The following RELN variants were observed in gnomAD, a reference collection of about 807,000 sequenced individuals.
RELN encodes the protein reelin.
A neutral mutation model predicts 427.6 loss-of-function variants in RELN; 108 were observed. The ratio of observed to expected loss-of-function variants is 0.25; its 90% CI spans 0.22 to 0.30. RELN has a LOEUF of 0.30. RELN is among the 10% of genes least tolerant of loss of function. RELN has a pLI of 1.00. For missense variants in RELN, 3,715 were observed against 4,302.8 expected (o/e 0.86, Z 3.82); for synonymous variants, 1,524 against 1,513.4 (o/e 1.01, Z -0.16).
chr7:103,489,869 T>C lies in RELN; in HGVS notation c.9636A>G (p.Gly3212=). The change falls in exon 60 of 65, where the codon GGA becomes GGG. Residue 3212 remains glycine (G), a synonymous_variant. Coordinates refer to ENST00000428762, the MANE Select transcript of RELN (RefSeq NM_005045.4). Reference sequence around the variant, plus strand: ...CCCAGCTTTGCTTCTCAGTTTCTTCTCCCTTCTGGATCCAGCGGAACTGTG... The same window carrying C: ...CCCAGCTTTGCTTCTCAGTTTCTTCCCCCTTCTGGATCCAGCGGAACTGTG... The part of the protein sequence containing the change: ...SATQFRWIQK[G]EETEKQSWAI... 1 of 1,614,094 alleles carries C rather than the reference T, an allele frequency of 6.2e-7. No individual in the cohort carries two copies. The highest frequency in any genetic ancestry group is 8.5e-7 in the Non-Finnish European group (1 of 1,179,996).
At chr7:103,731,943 T>C (rs1156651236) in intron 6 of RELN, among the ~76,000 whole-genome samples, 4 of 152,260 alleles carry the variant, frequency 2.6e-5, no homozygotes, top group Admixed American at 1.3e-4. Context: ...AATACTGTCT[T>C]CAAATTATGG....
At chr7:103,920,680 T>C (rs1167070255) in intron 1 of RELN, among the ~76,000 whole-genome samples, 1 of 150,966 alleles carries the variant, frequency 6.6e-6, no homozygotes, top group East Asian at 2.0e-4. Context: ...TTCAAGTCAT[T>C]CTCGTGCCTC....
intron 3 of RELN, among the ~76,000 whole-genome samples, chr7:103,794,395 T>G (rs1279811890): frequency 1.3e-5 from 2 of 152,206 alleles, no homozygotes; most frequent in African/African-American, 4.8e-5. Flanking sequence ...ATCAGCAAGC[T>G]GTTTTATTCC....
chr7:103,590,810 T>C (rs1196860570), intron 27 of RELN, among the ~76,000 whole-genome samples: 2 of 152,208 alleles, frequency 1.3e-5, no homozygotes, highest in African/African-American at 4.8e-5. Context: ...CTATTTTCTC[T>C]TCTGATCTTT....
rs570819735 is a variant in RELN, at chr7:103,536,291, A to G, written c.7181-807T>C. On this transcript the variant is annotated intron_variant, in intron 45 of 64. Transcript: ENST00000428762. ...TATTTCTTTCCTTTTCTTCTTCTGG[A>G]ACATTCAACCCATACCCCCTGTCTT... 3.9e-4 allele frequency among the ~76,000 whole-genome samples: 60 copies of G among 152,278 alleles called. 1 individual carries two copies. The South Asian group carries it at 0.012, about 31-fold the overall frequency.
intron 3 of RELN, among the ~76,000 whole-genome samples, chr7:103,786,375 C>T (rs188495478): frequency 3.3e-5 from 5 of 151,586 alleles, no homozygotes; most frequent in Admixed American, 6.6e-5. Context: ...TAAATAGTTG[C>T]CATGTCATTA....
At chr7:103,807,366 C>T (rs1792624790) in intron 3 of RELN, among the ~76,000 whole-genome samples, 1 of 152,136 alleles carries the variant, frequency 6.6e-6, no homozygotes, top group Non-Finnish European at 1.5e-5. Flanking sequence ...AAATTAGTGG[C>T]ACTGGATACT....
chr7:103,784,981 A>T (rs1337540599), intron 3 of RELN, among the ~76,000 whole-genome samples: 2 of 152,180 alleles, frequency 1.3e-5, no homozygotes, highest in African/African-American at 4.8e-5. Context: ...ACTGCATAAG[A>T]AACACTATGA....
At chr7:103,930,065 G>T (rs150121674) in intron 1 of RELN, among the ~76,000 whole-genome samples, 70 of 152,298 alleles carry the variant, frequency 4.6e-4, no homozygotes, top group African/African-American at 1.6e-3. Context: ...GCTTGGTAGG[G>T]TTGCCATAAC....
In RELN at chr7:103,569,331, C is replaced by T. The variant is rs1830829687; in HGVS notation, c.4589-2572G>A. On this transcript the variant is annotated intron_variant, in intron 31 of 64. Transcript: ENST00000428762. The surrounding 1 kb of genome is among the most constrained non-coding windows in gnomAD (Gnocchi z 4.0). ...CTGGCTAAGTCTTCCAGTGACTGCA[C>T]CCCTCCTGGCTTTTGTCCTGACTGC... Among the ~76,000 whole-genome samples the T allele has an allele frequency of 1.3e-5, 2 of 152,160 alleles. No homozygotes were observed. The highest frequency in any genetic ancestry group is 4.8e-5 in the African/African-American group (2 of 41,440).
intron 4 of RELN, among the ~76,000 whole-genome samples, chr7:103,770,440 C>T (rs1027924423): frequency 4.6e-5 from 7 of 152,106 alleles, no homozygotes; most frequent in African/African-American, 1.7e-4. Flanking sequence ...TGAGATGCCC[C>T]ATGGTTCCCC....
At chr7:103,777,159 T>A (rs1791764859) in intron 3 of RELN, among the ~76,000 whole-genome samples, 1 of 152,154 alleles carries the variant, frequency 6.6e-6, no homozygotes, top group South Asian at 2.1e-4. Context: ...TGAAGGAGAT[T>A]CACTATTTGA....
chr7:103,983,205 C>G (rs1398531053), intron 1 of RELN, among the ~76,000 whole-genome samples: 1 of 152,196 alleles, frequency 6.6e-6, no homozygotes, highest in Non-Finnish European at 1.5e-5. Flanking sequence ...CTGCCACACA[C>G]ACATCCTCAA....
intron 2 of RELN, among the ~76,000 whole-genome samples, chr7:103,850,540 G>A (rs764277981): frequency 3.9e-5 from 6 of 152,112 alleles, no homozygotes; most frequent in Non-Finnish European, 8.8e-5. Flanking sequence ...AACTCCACAG[G>A]GAGAAGGAAT....
At chr7:103,700,728 T>C (rs1462736265) in intron 9 of RELN, among the ~76,000 whole-genome samples, 182 bp downstream of exon 9, 1 of 152,164 alleles carries the variant, frequency 6.6e-6, no homozygotes, top group African/African-American at 2.4e-5. Flanking sequence ...AAAATGACAC[T>C]TTTAATAATA....
chr7:103,636,427 G>A lies in RELN; in HGVS notation c.2111C>T (p.Ser704Phe), dbSNP rs1445103005. Residue 704 changes from serine to phenylalanine, a missense_variant, in exon 18 of 65, where the codon TCC (serine) becomes TTC (phenylalanine). By Grantham distance (155) the Ser-to-Phe change is radical. Coordinates refer to ENST00000428762, the MANE Select transcript of RELN (RefSeq NM_005045.4). ...AGAAATAAACATTGGGAATGTCTGGGATGCCATCTCACAAGCTGGGCCAGA... is the reference window on the plus strand; with the variant it reads ...AGAAATAAACATTGGGAATGTCTGGAATGCCATCTCACAAGCTGGGCCAGA... ...GFSGPACEMA[S>F]QTFPMFISES... 2 of 1,613,910 alleles carry A rather than the reference G, an allele frequency of 1.2e-6. No individual in the cohort carries two copies. Among genetic ancestry groups the A allele is most frequent in the Non-Finnish European group, 1.7e-6 (2 of 1,179,896 alleles).
chr7:103,982,324 C>T (rs1323791314), intron 1 of RELN, among the ~76,000 whole-genome samples: 7 of 152,116 alleles, frequency 4.6e-5, no homozygotes, highest in Admixed American at 4.6e-4. Context: ...TCCCTTGCAG[C>T]TCCATGTAAT....
chr7:103,513,194 G>A (rs1829471375), intron 50 of RELN: 2 of 152,184 alleles, frequency 1.3e-5, no homozygotes, highest in Non-Finnish European at 2.9e-5. Flanking sequence ...AAGAGGGCTT[G>A]CATTGCTCAA....
chr7:103,503,330 CTG>C (rs1270995875), intron 51 of RELN, 100 bp from the exon 52 acceptor site: 2 of 900,094 alleles, frequency 2.2e-6, no homozygotes, highest in African/African-American at 1.6e-5. Context: ...TTGATATACA[CTG>C]TACCACATCC....
Sources: allele counts gnomAD v4.1 joint callset (sites outside exome capture counted in the v4.1 genomes callset), GRCh38; gene constraint gnomAD v4.1.1; non-coding constraint Gnocchi (gnomAD v3.1); transcripts MANE v1.5; gene names NCBI Gene and HGNC (gene_info 2026-07-23, HGNC 2026-07-21).